The following AFAP1 variants were observed in gnomAD, a reference collection of about 807,000 sequenced individuals.
AFAP1 encodes actin filament associated protein 1, also known as actin filament-associated protein 1.
Under a neutral mutation model 93.9 loss-of-function variants are expected in AFAP1, and 75 were observed. The ratio of observed to expected loss-of-function variants is 0.80; its 90% CI spans 0.66 to 0.97. AFAP1 has a LOEUF of 0.97. Among genes scored for constraint, AFAP1 ranks in the 50% least tolerant of loss-of-function variants. The pLI is 0.00. For synonymous variants in AFAP1, 517 were observed against 430.7 expected (o/e 1.20, Z -2.48); for missense variants, 1,201 against 1,050.8 (o/e 1.14, Z -1.98).
chr4:7,779,372 G>C (rs1577195981), intron 13 of AFAP1, among the ~76,000 whole-genome samples: 1 of 152,344 alleles, frequency 6.6e-6, no homozygotes, highest in Middle Eastern at 3.4e-3. Flanking sequence ...GGAGTCCGCA[G>C]AAGGAAGCAA....
At chr4:7,791,842 C>A (rs376508875) in intron 11 of AFAP1, among the ~76,000 whole-genome samples, 24 of 140,554 alleles carry the variant, frequency 1.7e-4, no homozygotes, top group African/African-American at 2.4e-4. Context: ...AACCCTTAAT[C>A]AAAAAAAAAC....
At chr4:7,880,530 G>A (rs949364592) in intron 1 of AFAP1, among the ~76,000 whole-genome samples, 1 of 152,156 alleles carries the variant, frequency 6.6e-6, no homozygotes, top group African/African-American at 2.4e-5. Context: ...CACCCACCTA[G>A]GCCTCCCAAA....
At chr4:7,774,460 G>GA (rs1715875653) in intron 15 of AFAP1, 2 of 420,186 alleles carry the variant, frequency 4.8e-6, no homozygotes, top group African/African-American at 4.0e-5. Context: ...GTCAGCGCCA[G>GA]AAGCCGGAAC....
intron 5 of AFAP1, among the ~76,000 whole-genome samples, chr4:7,840,790 T>G (rs548052333): frequency 1.1e-4 from 16 of 152,198 alleles, no homozygotes; most frequent in Non-Finnish European, 1.8e-4. Context: ...AAAAGAAAGG[T>G]GAAAAGCAAC....
At chr4:7,873,620 T>C (rs894231390) in intron 1 of AFAP1, among the ~76,000 whole-genome samples, 7 of 152,052 alleles carry the variant, frequency 4.6e-5, no homozygotes, top group African/African-American at 1.5e-4. Context: ...AGCACTGGGA[T>C]TACAGACGTG....
At position 7,871,267 on chromosome 4, in the gene AFAP1, G is replaced by A. The variant is rs115316416; in HGVS notation, c.127+685C>T. Among the ~76,000 whole-genome samples, 1,265 of 152,304 alleles carry A rather than the reference G, an allele frequency of 8.3e-3. 15 individuals are homozygous for A. The highest frequency in any genetic ancestry group is 0.029 in the African/African-American group (1,206 of 41,570). On this transcript the variant is annotated intron_variant, in intron 2 of 17. Coordinates refer to ENST00000420658, the MANE Select transcript of AFAP1 (RefSeq NM_001134647.2). ...CTGGCCCTGGCTGGCCTCTGGGAAC[G>A]TGGATTTCAGAAGTGATCCCACCAT...
intron 14 of AFAP1, 200 bp downstream of exon 14, chr4:7,778,562 C>A (rs1716395695): frequency 4.8e-6 from 3 of 620,376 alleles, no homozygotes; most frequent in South Asian, 1.9e-5. Flanking sequence ...TTCTGGGCTT[C>A]AATTTACAAG....
intron 1 of AFAP1, among the ~76,000 whole-genome samples, chr4:7,928,310 C>T (rs1415359149): frequency 6.6e-6 from 1 of 152,188 alleles, no homozygotes; most frequent in African/African-American, 2.4e-5. Flanking sequence ...AGCTAGTTCT[C>T]AAGTCATCTT....
intron 10 of AFAP1, among the ~76,000 whole-genome samples, chr4:7,798,563 G>C (rs1249545965): frequency 6.6e-6 from 1 of 152,250 alleles, no homozygotes; most frequent in Non-Finnish European, 1.5e-5. Context: ...TCACTTGTAA[G>C]TGAAGTCACT....
chr4:7,801,892 G>A (rs1719061809), intron 9 of AFAP1, among the ~76,000 whole-genome samples: 1 of 111,772 alleles, frequency 8.9e-6, no homozygotes, highest in Admixed American at 1.3e-4. Context: ...ATCAGCCTGA[G>A]CAACACAGTG....
chr4:7,778,698 G>A, intron 14 of AFAP1, 64 bp downstream of exon 14: 2 of 1,522,658 alleles, frequency 1.3e-6, no homozygotes, highest in Non-Finnish European at 1.8e-6. Context: ...GGCAGGCTCA[G>A]ACAGGCCCAG....
At chr4:7,897,205 T>C (rs147449156) in intron 1 of AFAP1, among the ~76,000 whole-genome samples, 35 of 152,124 alleles carry the variant, frequency 2.3e-4, no homozygotes, top group Non-Finnish European at 3.8e-4. Context: ...TGATGAAAAA[T>C]AATGAAAACA....
At chr4:7,923,541 C>T (rs898132657) in intron 1 of AFAP1, among the ~76,000 whole-genome samples, 6 of 152,266 alleles carry the variant, frequency 3.9e-5, no homozygotes, top group South Asian at 2.1e-4. Context: ...TACAGTGGCA[C>T]GATCTTGGCT....
At chr4:7,873,257 A>C (rs1330199928) in intron 1 of AFAP1, among the ~76,000 whole-genome samples, 14 of 149,906 alleles carry the variant, frequency 9.3e-5, no homozygotes, top group Non-Finnish European at 1.6e-4. Flanking sequence ...AAAAAAAAAA[A>C]AAAACCCCAC....
At chr4:7,798,001 G>C (rs917592669) in intron 10 of AFAP1, among the ~76,000 whole-genome samples, 1 of 152,182 alleles carries the variant, frequency 6.6e-6, no homozygotes, top group South Asian at 2.1e-4. Flanking sequence ...TGCTATCCTT[G>C]CAACTTTTCG....
At chr4:7,848,329 T>C (rs1042455935) in intron 4 of AFAP1, among the ~76,000 whole-genome samples, 8 of 151,976 alleles carry the variant, frequency 5.3e-5, no homozygotes, top group African/African-American at 1.9e-4. Context: ...CAAAAAGCTG[T>C]CTACCACCTG....
At chr4:7,930,262 C>A (rs1282803184) in intron 1 of AFAP1, among the ~76,000 whole-genome samples, 1 of 152,184 alleles carries the variant, frequency 6.6e-6, no homozygotes, top group African/African-American at 2.4e-5. Context: ...CTGGGAGTGC[C>A]ACCTCCCCAG....
At chr4:7,906,904 A>C (rs1719437864) in intron 1 of AFAP1, among the ~76,000 whole-genome samples, 1 of 151,792 alleles carries the variant, frequency 6.6e-6, no homozygotes, top group Non-Finnish European at 1.5e-5. Flanking sequence ...CGGGAGGCTG[A>C]GGAGGAAGAA....
At chr4:7,791,999 T>C (rs1577212886) in intron 11 of AFAP1, among the ~76,000 whole-genome samples, 1 of 152,338 alleles carries the variant, frequency 6.6e-6, no homozygotes, top group Middle Eastern at 3.4e-3. Flanking sequence ...ACCCAGTTAA[T>C]GTCCAGCTTA....
Sources: gnomAD v4.1 joint callset for allele counts (sites outside exome capture counted in the v4.1 genomes callset) on GRCh38, gnomAD v4.1.1 for gene constraint, MANE v1.5 for transcripts, NCBI Gene and HGNC (gene_info 2026-07-23, HGNC 2026-07-21) for gene names.